USO1: variants seen among roughly 807,000 people sequenced by gnomAD.
USO1 encodes general vesicular transport factor p115.
A neutral mutation model predicts 124.5 loss-of-function variants in USO1; 57 were observed. The observed-to-expected ratio is 0.46, with a 90% confidence interval of 0.37 to 0.57. USO1 has a LOEUF of 0.57. USO1 is among the 20% of genes least tolerant of loss of function. The probability of loss-of-function intolerance (pLI) is 0.00; values close to 1 mark genes in which losing one functional copy is unlikely to be tolerated. For missense variants in USO1, 900 were observed against 1,040.6 expected, an observed-to-expected ratio of 0.86 and a Z score of 1.86; for synonymous variants, 369 against 362.8, an observed-to-expected ratio of 1.02 and a Z score of -0.19.
At chr4:75,773,372 T>C (rs1721987205) in intron 7 of USO1, among the ~76,000 whole-genome samples, 1 of 151,400 alleles carries the variant, frequency 6.6e-6, no homozygotes, top group Admixed American at 6.6e-5. Flanking sequence ...AACTAAAATA[T>C]ACTAAGACCT....
rs182722559 is a variant in USO1 at position 75,740,450 on chromosome 4, G to T, written c.67-11923G>T. On this transcript the variant is annotated intron_variant, in intron 1 of 23. Transcript: ENST00000514213. ...CTACAGGCACTCGCCAACATGCCTG[G>T]TTAATTTTTAAATTTCTTATAAAGA... is the stretch of plus-strand genomic sequence containing the variant. Among the ~76,000 whole-genome samples, 144 of 152,270 alleles carry T rather than the reference G, an allele frequency of 9.5e-4. 1 individual carries two copies. The highest frequency in any genetic ancestry group is 3.4e-3 in the African/African-American group (143 of 41,568).
chr4:75,772,326 TCCCGG>T, intron 7 of USO1, among the ~76,000 whole-genome samples: 3 of 151,952 alleles, frequency 2.0e-5, no homozygotes, highest in African/African-American at 7.3e-5. Flanking sequence ...AACCTCTGCC[TCCCGG>T]ATTCAAGCAA....
intron 1 of USO1, among the ~76,000 whole-genome samples, chr4:75,739,650 G>C (rs1415537321): frequency 6.9e-6 from 1 of 145,740 alleles, no homozygotes; most frequent in East Asian, 2.1e-4. Context: ...GAGTTTAAGT[G>C]ATTCTCCTGC....
chr4:75,725,608 G>A (rs561672639), intron 1 of USO1, among the ~76,000 whole-genome samples: 2 of 123,842 alleles, frequency 1.6e-5, no homozygotes, highest in Non-Finnish European at 3.6e-5. Context: ...CATGATTTGC[G>A]GCGTTATTTA....
In USO1 at chr4:75,737,986, C is replaced by T. The variant is rs1370384036; in HGVS notation, c.66+13101C>T. Reference sequence around the variant, plus strand: ...GGGATCACGGGCATGTGCCATCACACCCAGCCAATTTTTCACTTTTGTATT... The same window carrying T: ...GGGATCACGGGCATGTGCCATCACATCCAGCCAATTTTTCACTTTTGTATT... On this transcript the variant is annotated intron_variant, in intron 1 of 23. Transcript: ENST00000514213. Among the ~76,000 whole-genome samples the T allele has an allele frequency of 4.0e-5, 6 of 151,644 alleles. No individual in the cohort carries two copies. The East Asian group carries it at 7.9e-4, about 20-fold the overall frequency.
At chr4:75,732,171 C>T (rs556163393) in intron 1 of USO1, among the ~76,000 whole-genome samples, 9 of 152,170 alleles carry the variant, frequency 5.9e-5, no homozygotes, top group East Asian at 1.9e-4. Flanking sequence ...ACCTTCCCCC[C>T]GTTGTTGTCC....
intron 21 of USO1, 80 bp downstream of exon 21, chr4:75,809,131 A>G: frequency 1.5e-5 from 22 of 1,477,896 alleles, no homozygotes; most frequent in Non-Finnish European, 2.0e-5. Flanking sequence ...TTAAAAAGAA[A>G]CAAATTCATC....
At chr4:75,763,390 A>G (rs2149162963) in intron 4 of USO1, among the ~76,000 whole-genome samples, 1 of 152,342 alleles carries the variant, frequency 6.6e-6, no homozygotes, top group African/African-American at 2.4e-5. Context: ...AGTAAATTAC[A>G]TGAGATAATA....
rs1486777751 is a variant in USO1, at chr4:75,799,729, A to G, written c.1560A>G (p.Pro520=). ...TTCTTCACAATTCAGCCAATGTTCCATTTGTATCCTTTATGTTTTAGTAAC... is the reference window on the plus strand; with the variant it reads ...TTCTTCACAATTCAGCCAATGTTCCGTTTGTATCCTTTATGTTTTAGTAAC... ...THFLHNSANV[P]FLTGQIAENL... is the part of the protein sequence containing the mutation. Residue 520 remains proline (P), a synonymous_variant, in exon 14 of 24, where the codon CCA becomes CCG. Coordinates refer to ENST00000514213, the MANE Select transcript of USO1 (RefSeq NM_003715.4). 9.3e-6 allele frequency: 15 copies of G among 1,613,542 alleles called. No individual in the cohort carries two copies. Among genetic ancestry groups the G allele is most frequent in the Non-Finnish European group, 1.3e-5 (15 of 1,179,740 alleles).
intron 3 of USO1, among the ~76,000 whole-genome samples, chr4:75,752,835 G>A (rs1721329480): frequency 1.3e-5 from 2 of 152,058 alleles, no homozygotes; most frequent in African/African-American, 4.8e-5. Context: ...CCTAAAAGTT[G>A]TTGACATACT....
chr4:75,771,175 G>A (rs371792702), intron 7 of USO1, 38 bp downstream of exon 7: 10 of 1,560,886 alleles, frequency 6.4e-6, no homozygotes, highest in Non-Finnish European at 8.6e-6. Flanking sequence ...AAAATATGTG[G>A]CTTTTTTTTC....
intron 8 of USO1, among the ~76,000 whole-genome samples, chr4:75,779,011 A>G (rs1194666603): frequency 6.6e-6 from 1 of 152,174 alleles, no homozygotes; most frequent in Non-Finnish European, 1.5e-5. Context: ...GTCACAATTA[A>G]TATTTCAAAA....
At chr4:75,745,920 A>C (rs34927540) in intron 1 of USO1, among the ~76,000 whole-genome samples, 6 of 151,868 alleles carry the variant, frequency 4.0e-5, no homozygotes, top group South Asian at 2.1e-4. Context: ...TAAAAAAAAA[A>C]CGAAAAAAAC....
At chr4:75,769,594 G>A (rs148525794) in intron 4 of USO1, among the ~76,000 whole-genome samples, 62 of 152,252 alleles carry the variant, frequency 4.1e-4, no homozygotes, top group Non-Finnish European at 6.6e-4. Context: ...GTATTCTGAC[G>A]CTCAGCCAAT....
intron 13 of USO1, among the ~76,000 whole-genome samples, chr4:75,796,107 T>C (rs1433898970): frequency 6.6e-6 from 1 of 152,294 alleles, no homozygotes; most frequent in East Asian, 1.9e-4. Context: ...CACACACACA[T>C]ACATATTTTG....
intron 4 of USO1, among the ~76,000 whole-genome samples, chr4:75,764,134 C>A (rs1721699070): frequency 6.6e-6 from 1 of 152,116 alleles, no homozygotes; most frequent in African/African-American, 2.4e-5. Flanking sequence ...AATTTTAATT[C>A]TATACTGATA....
chr4:75,747,180 C>G (rs983686273), intron 1 of USO1, among the ~76,000 whole-genome samples: 5 of 152,128 alleles, frequency 3.3e-5, no homozygotes, highest in Non-Finnish European at 4.4e-5. Flanking sequence ...AGATCACCAT[C>G]AGAAATCATT....
chr4:75,766,463 G>T (rs905459541), intron 4 of USO1, among the ~76,000 whole-genome samples: 1 of 152,206 alleles, frequency 6.6e-6, no homozygotes, highest in African/African-American at 2.4e-5. Flanking sequence ...GGTTGTCACA[G>T]TAAGAGGAAG....
chr4:75,810,213 C>T (rs1723106778), intron 21 of USO1, among the ~76,000 whole-genome samples: 1 of 152,190 alleles, frequency 6.6e-6, no homozygotes, highest in African/African-American at 2.4e-5. Context: ...CACCTTAGCC[C>T]AGCCTTCCTC....
Sources: allele counts gnomAD v4.1 joint callset (sites outside exome capture counted in the v4.1 genomes callset), GRCh38; gene constraint gnomAD v4.1.1; transcripts MANE v1.5; gene names NCBI Gene and HGNC (gene_info 2026-07-23, HGNC 2026-07-21).